NEO1: variants seen among roughly 807,000 people sequenced by gnomAD.
The protein encoded by NEO1 is neogenin 1.
Under a neutral mutation model 159.7 loss-of-function variants are expected in NEO1, and 63 were observed. That is an observed-to-expected ratio of 0.39 (90% CI 0.32 to 0.49). NEO1 has a LOEUF of 0.49. Among genes scored for constraint, NEO1 ranks in the 20% least tolerant of loss-of-function variants. NEO1 has a pLI of 0.85. For missense variants in NEO1, 1,615 were observed against 1,831.0 expected, an observed-to-expected ratio of 0.88 and a Z score of 2.15; for synonymous variants, 633 against 662.0, an observed-to-expected ratio of 0.96 and a Z score of 0.67.
At position 73,204,386 on chromosome 15, in the gene NEO1, C is replaced by T. The variant is rs190548274; in HGVS notation, c.1291+25959C>T. ...TTTGTCATTAATTTTGGAAAATTCT[C>T]GCTTTATTCTCTCTTCTCTGATATT... On this transcript the variant is annotated intron_variant, in intron 7 of 28. Transcript: ENST00000261908. Among the ~76,000 whole-genome samples, 15 of 152,056 alleles carry T rather than the reference C, an allele frequency of 9.9e-5. No homozygotes were observed. The East Asian group carries it at 2.3e-3, about 23-fold the overall frequency.
chr15:73,267,625 G>C (rs28405887), intron 16 of NEO1, among the ~76,000 whole-genome samples: 192 of 147,108 alleles, frequency 1.3e-3, no homozygotes, highest in African/African-American at 4.6e-3. Context: ...ACCTATGAGT[G>C]AGAACATGCG....
intron 1 of NEO1, among the ~76,000 whole-genome samples, chr15:73,061,257 G>A (rs2067963030): frequency 6.6e-6 from 1 of 152,206 alleles, no homozygotes; most frequent in Non-Finnish European, 1.5e-5. Context: ...AGAACACAGA[G>A]ATATCTTCCC....
At chr15:73,188,304 A>G (rs1468608323) in intron 7 of NEO1, among the ~76,000 whole-genome samples, 1 of 152,234 alleles carries the variant, frequency 6.6e-6, no homozygotes, top group Non-Finnish European at 1.5e-5. Flanking sequence ...CAGTGTTAAC[A>G]TTTTGGTATG....
chr15:73,277,913 G>A lies in NEO1; in HGVS notation c.3194-218G>A, dbSNP rs140620575. On this transcript the variant is annotated intron_variant, in intron 21 of 28. Coordinates refer to ENST00000261908, the MANE Select transcript of NEO1 (RefSeq NM_002499.4). ...GTCAGCTCACAGCCGTGAGACAAGC[G>A]TGTCAGTCTTTCAGATGCCTCATTA... 2.7e-3 allele frequency among the ~76,000 whole-genome samples: 404 copies of A among 152,286 alleles called. 4 individuals carry two copies. Among genetic ancestry groups the A allele is most frequent in the East Asian group, 0.014 (75 of 5,184 alleles).
At chr15:73,197,901 G>A (rs1425024409) in intron 7 of NEO1, among the ~76,000 whole-genome samples, 5 of 151,690 alleles carry the variant, frequency 3.3e-5, no homozygotes, top group Admixed American at 2.0e-4. Context: ...GGCTGGTCTC[G>A]AACTCCTGAC....
At chr15:73,239,607 G>T (rs562789218) in intron 8 of NEO1, among the ~76,000 whole-genome samples, 3 of 152,078 alleles carry the variant, frequency 2.0e-5, no homozygotes, top group Non-Finnish European at 2.9e-5. Context: ...CATTGTGTTC[G>T]CATTGCCTAC....
At chr15:73,136,150 C>A (rs1402628396) in intron 5 of NEO1, 123 bp downstream of exon 5, 1 of 700,746 alleles carries the variant, frequency 1.4e-6, no homozygotes, top group Non-Finnish European at 2.1e-6. Context: ...ACTCCTAGAC[C>A]AGACTGCTTG....
At chr15:73,074,574 TG>T (rs2068683943) in intron 1 of NEO1, among the ~76,000 whole-genome samples, 6 of 152,208 alleles carry the variant, frequency 3.9e-5, no homozygotes, top group Non-Finnish European at 8.8e-5. Flanking sequence ...GGGTTTTCGA[TG>T]TGTGAGGATA....
At chr15:73,242,704 A>G (rs1021247539) in intron 8 of NEO1, among the ~76,000 whole-genome samples, 1 of 152,146 alleles carries the variant, frequency 6.6e-6, no homozygotes, top group Non-Finnish European at 1.5e-5. Context: ...AAGAGAAACT[A>G]TTTATTGTAC....
At chr15:73,295,146 A>ATATATATATATATATATATATATATATAT (rs1277362385) in intron 26 of NEO1, among the ~76,000 whole-genome samples, 11 of 140,230 alleles carry the variant, frequency 7.8e-5, no homozygotes, top group South Asian at 2.2e-4. Context: ...ATATATATGT[A>ATATATATATATATATATATATATATATAT]AAAATTTGGC....
chr15:73,082,286 T>A (rs1219208043), intron 1 of NEO1, among the ~76,000 whole-genome samples: 1 of 152,250 alleles, frequency 6.6e-6, no homozygotes, highest in African/African-American at 2.4e-5. Context: ...CTAAGTTTTT[T>A]TCACTGAGAA....
rs140756862 is a variant in NEO1, at chr15:73,298,477, C to T, written c.4031C>T (p.Ser1344Leu). Residue 1344 changes from serine (S) to leucine (L), a missense_variant, in exon 27 of 29, where the codon TCA becomes TTA. Around this residue, in one of 3 missense-constraint regions of NEO1, gnomAD observed 471 missense variants for 498.9 expected, o/e 0.94. Transcript: ENST00000261908. Reference sequence around the variant, plus strand: ...TTGGCCAGCTCCCAAGAGGAAGATTCAGGCCAGAGTCTTCCCACTGCCCAT... The same window carrying T: ...TTGGCCAGCTCCCAAGAGGAAGATTTAGGCCAGAGTCTTCCCACTGCCCAT... Reference protein sequence around the residue: ...SYLASSQEEDSGQSLPTAHVR... With the variant: ...SYLASSQEEDLGQSLPTAHVR... 4 of 1,614,226 alleles carry T rather than the reference C, an allele frequency of 2.5e-6. No homozygotes were observed. Among genetic ancestry groups the T allele is most frequent in the Non-Finnish European group, 3.4e-6 (4 of 1,180,042 alleles).
chr15:73,256,424 G>T (rs549326731), intron 13 of NEO1, among the ~76,000 whole-genome samples: 147 of 152,212 alleles, frequency 9.7e-4, no homozygotes, highest in African/African-American at 3.5e-3. Flanking sequence ...CTCTTGAACC[G>T]GGGAGGCAGA....
At position 73,259,120 on chromosome 15, in the gene NEO1, A is replaced by ATT. The variant is rs1038487612; in HGVS notation, c.2203+253_2203+254dup. The ATT allele has an allele frequency of 1.3e-5, 4 of 318,054 alleles. No homozygotes were observed. The East Asian group carries it at 1.6e-4, about 13-fold the overall frequency. 19.7% of individuals were successfully genotyped at this position (318,054 alleles called of 1,614,324 possible). On this transcript the variant is annotated intron_variant, in intron 14 of 28. Coordinates refer to ENST00000261908, the MANE Select transcript of NEO1 (RefSeq NM_002499.4). ...AAAATGTGTATGTGCTATAAGTTGG[A>ATT]TTTTTTTTTTAATCAAGGCCATTAA...
chr15:73,085,815 CTTG>C lies in NEO1; in HGVS notation c.131-30718_131-30716del, dbSNP rs1203231679. ...CCATTAAGAAAATTGGGGTTGTTTT[CTTG>C]TTGTTGAGTTTTGAATTCTTTATAT... is the stretch of plus-strand genomic sequence containing the variant. On this transcript the variant is annotated intron_variant, in intron 1 of 28. Coordinates refer to ENST00000261908, the MANE Select transcript of NEO1 (RefSeq NM_002499.4). Among the ~76,000 whole-genome samples, 6 of 152,088 alleles carry C rather than the reference CTTG, an allele frequency of 3.9e-5. No individual in the cohort carries two copies. The East Asian group carries it at 5.8e-4, about 15-fold the overall frequency.
chr15:73,062,003 C>T (rs1028809506), intron 1 of NEO1, among the ~76,000 whole-genome samples: 1 of 152,024 alleles, frequency 6.6e-6, no homozygotes, highest in Non-Finnish European at 1.5e-5. Flanking sequence ...TATAAATGTC[C>T]CCATTTGTGC....
chr15:73,059,991 A>C (rs538815106), intron 1 of NEO1, among the ~76,000 whole-genome samples: 1 of 152,238 alleles, frequency 6.6e-6, no homozygotes, highest in African/African-American at 2.4e-5. Context: ...TAATGATACT[A>C]TGTGGAAATT....
At chr15:73,139,707 G>T (rs1223660395) in intron 5 of NEO1, among the ~76,000 whole-genome samples, 2 of 152,148 alleles carry the variant, frequency 1.3e-5, no homozygotes, top group African/African-American at 4.8e-5. Context: ...AATATCAGAA[G>T]AATAATATTT....
At chr15:73,092,910 C>A (rs2069776782) in intron 1 of NEO1, among the ~76,000 whole-genome samples, 1 of 152,236 alleles carries the variant, frequency 6.6e-6, no homozygotes, top group African/African-American at 2.4e-5. Flanking sequence ...TTCAGATTTT[C>A]TCAGTTTTTA....
Sources: allele counts gnomAD v4.1 joint callset (sites outside exome capture counted in the v4.1 genomes callset), GRCh38; gene constraint gnomAD v4.1.1; regional missense constraint gnomAD v4.1.1; transcripts MANE v1.5; gene names NCBI Gene and HGNC (gene_info 2026-07-23, HGNC 2026-07-21).